ADARB2: variants seen among roughly 807,000 people sequenced by gnomAD.
ADARB2 encodes the protein adenosine deaminase RNA specific B2 (inactive), also known as inactive double-stranded RNA-specific editase B2.
In ADARB2, 25 loss-of-function variants were observed where a neutral mutation model predicts 62.2. The observed-to-expected ratio is 0.40, with a 90% confidence interval of 0.29 to 0.56. The LOEUF (loss-of-function observed/expected upper bound fraction) is 0.56. Ranked by LOEUF, ADARB2 falls within the 20% of genes least tolerant of loss-of-function variation. The pLI is 0.43. For synonymous variants in ADARB2, 572 were observed against 500.8 expected, an observed-to-expected ratio of 1.14 and a Z score of -1.90; for missense variants, 1,071 against 1,077.4, an observed-to-expected ratio of 0.99 and a Z score of 0.08.
Position 1,233,733 on chromosome 10 carries a change from C to A in ADARB2, c.1474G>T (p.Asp492Tyr), listed in dbSNP as rs1368006262. Residue 492 changes from aspartate (D) to tyrosine (Y), a missense_variant, in exon 6 of 10, where the codon GAC becomes TAC. Physicochemically the swap from Asp to Tyr is radical, Grantham distance 160. Transcript: ENST00000381312. ...HLYVSTSPCG[D>Y]ARLHSPYEIT... ...TCGTAGGGAGAGTGGAGTCTTGCGT[C>A]TCCACAGGGGGAGGTGCTCACGTAG... 6.2e-7 allele frequency: 1 copy of A among 1,613,740 alleles called. No homozygotes were observed. The highest frequency in any genetic ancestry group is 8.5e-7 in the Non-Finnish European group (1 of 1,179,884).
chr10:1,242,248 C>T lies in ADARB2; in HGVS notation c.1244G>A (p.Cys415Tyr), dbSNP rs1158097062. The T allele has an allele frequency of 6.3e-7, 1 of 1,590,084 alleles. No homozygotes were observed. ...QVVALSSGTK[C>Y]ISGEHLSDQG... Reference sequence around the variant, plus strand: ...GTCACTGAGGTGCTCGCCGCTGATGCACTTGGTCCCCGAGGACAGGGCCAC... The same window carrying T: ...GTCACTGAGGTGCTCGCCGCTGATGTACTTGGTCCCCGAGGACAGGGCCAC... The change falls in exon 5 of 10, where the codon TGC becomes TAC. Residue 415 changes from cysteine (C) to tyrosine (Y), a missense_variant. By Grantham distance (194) the Cys-to-Tyr change is radical. Coordinates refer to ENST00000381312, the MANE Select transcript of ADARB2 (RefSeq NM_018702.4).
intron 1 of ADARB2, among the ~76,000 whole-genome samples, chr10:1,631,029 G>A (rs1370072767): frequency 2.6e-5 from 4 of 152,178 alleles, no homozygotes; most frequent in Non-Finnish European, 5.9e-5. Context: ...AAAGAATTAT[G>A]AGGGAAATAC....
chr10:1,411,785 T>C (rs1397562932), intron 1 of ADARB2, among the ~76,000 whole-genome samples: 1 of 152,230 alleles, frequency 6.6e-6, no homozygotes, highest in Non-Finnish European at 1.5e-5. Context: ...CGCAAGTGCC[T>C]GACCTACAGC....
At chr10:1,207,348 T>G (rs1837082273) in intron 7 of ADARB2, among the ~76,000 whole-genome samples, 1 of 152,180 alleles carries the variant, frequency 6.6e-6, no homozygotes, top group Non-Finnish European at 1.5e-5. Flanking sequence ...TTCATCTCAA[T>G]CTGTACAATT....
intron 3 of ADARB2, among the ~76,000 whole-genome samples, chr10:1,289,651 G>T (rs974175778): frequency 3.3e-5 from 5 of 152,250 alleles, no homozygotes; most frequent in African/African-American, 1.2e-4. Flanking sequence ...CCTCTCACTG[G>T]CTCCGTGGCC....
chr10:1,329,655 C>T (rs11250421), intron 3 of ADARB2, among the ~76,000 whole-genome samples: 1,982 of 152,312 alleles, frequency 0.013, 52 homozygotes, highest in African/African-American at 0.045. Flanking sequence ...TCATTAATCC[C>T]TCCGCCTCCC....
chr10:1,286,932 G>GCAAA (rs1159012046), intron 3 of ADARB2, among the ~76,000 whole-genome samples: 6 of 152,170 alleles, frequency 3.9e-5, no homozygotes, highest in Non-Finnish European at 7.3e-5. Context: ...CCAACTGTGT[G>GCAAA]CAAACATAAC....
chr10:1,342,029 T>C (rs1404713946), intron 3 of ADARB2, among the ~76,000 whole-genome samples: 4 of 152,270 alleles, frequency 2.6e-5, no homozygotes, highest in African/African-American at 9.6e-5. Flanking sequence ...CTACATTTTC[T>C]TTCAGCCAGG....
chr10:1,272,520 C>A lies in ADARB2; in HGVS notation c.1078-1451G>T, dbSNP rs78655134. On this transcript the variant is annotated intron_variant, in intron 3 of 9. Coordinates refer to ENST00000381312, the MANE Select transcript of ADARB2 (RefSeq NM_018702.4). ...CAGTCAAGGGCAGAAGTGCAGGGCCCGGCGCAGTCTCCTCTGCTCACCCCG... is the reference window on the plus strand; with the variant it reads ...CAGTCAAGGGCAGAAGTGCAGGGCCAGGCGCAGTCTCCTCTGCTCACCCCG... 8.6e-4 allele frequency among the ~76,000 whole-genome samples: 131 copies of A among 152,342 alleles called. 1 individual carries two copies. The East Asian group carries it at 0.02, about 23-fold the overall frequency.
At chr10:1,256,624 C>T (rs188433053) in intron 4 of ADARB2, among the ~76,000 whole-genome samples, 34 of 152,172 alleles carry the variant, frequency 2.2e-4, no homozygotes, top group African/African-American at 6.5e-4. Context: ...TGGGGCCAGG[C>T]GAGCTTATGA....
At chr10:1,504,968 C>G (rs961283663) in intron 1 of ADARB2, among the ~76,000 whole-genome samples, 20 of 151,690 alleles carry the variant, frequency 1.3e-4, no homozygotes, top group Non-Finnish European at 2.5e-4. Context: ...ATGACACACA[C>G]AGACACACAT....
intron 2 of ADARB2, among the ~76,000 whole-genome samples, chr10:1,367,688 A>G (rs755164871): frequency 5.9e-5 from 9 of 152,186 alleles, no homozygotes; most frequent in Admixed American, 5.9e-4. Context: ...ACCAGATTGC[A>G]TAGAGATTTG....
At chr10:1,671,539 G>A (rs1181403676) in intron 1 of ADARB2, among the ~76,000 whole-genome samples, 2 of 152,178 alleles carry the variant, frequency 1.3e-5, no homozygotes, top group African/African-American at 2.4e-5. Flanking sequence ...AAGGAGGTGT[G>A]AGATAGAATC....
chr10:1,485,682 G>A lies in ADARB2; in HGVS notation c.101-106522C>T, dbSNP rs369875975. ...GTCACCTTGTCACAACACGTGCCCC[G>A]GTGGGATGGAATAATAACGCTCCGT... is the stretch of plus-strand genomic sequence containing the variant. On this transcript the variant is annotated intron_variant, in intron 1 of 9. Coordinates refer to ENST00000381312, the MANE Select transcript of ADARB2 (RefSeq NM_018702.4). Among the ~76,000 whole-genome samples the A allele has an allele frequency of 7.9e-5, 12 of 152,262 alleles. No homozygotes were observed. In the South Asian group the frequency reaches 1.7e-3, roughly 21 times the overall value.
chr10:1,620,984 T>G (rs567955583), intron 1 of ADARB2, among the ~76,000 whole-genome samples: 33 of 152,308 alleles, frequency 2.2e-4, no homozygotes, highest in Non-Finnish European at 4.3e-4. Flanking sequence ...CATATATGAA[T>G]CACTCATGCC....
chr10:1,642,812 A>T (rs1284405439), intron 1 of ADARB2, among the ~76,000 whole-genome samples: 1 of 152,014 alleles, frequency 6.6e-6, no homozygotes, highest in South Asian at 2.1e-4. Context: ...TCAGACACAC[A>T]TCCACACTCA....
chr10:1,309,770 G>A (rs1362721480), intron 3 of ADARB2, among the ~76,000 whole-genome samples: 1 of 152,184 alleles, frequency 6.6e-6, no homozygotes, highest in Non-Finnish European at 1.5e-5. Flanking sequence ...GGGGCTCTCT[G>A]GGGTGTGGCC....
intron 1 of ADARB2, among the ~76,000 whole-genome samples, chr10:1,584,354 TA>T (rs1833146679): frequency 1.9e-5 from 1 of 51,446 alleles, no homozygotes; most frequent in South Asian, 7.2e-4. Flanking sequence ...CCCCGTATCA[TA>T]TGTCACTAGA....
At chr10:1,623,707 T>G (rs1833734194) in intron 1 of ADARB2, among the ~76,000 whole-genome samples, 1 of 152,118 alleles carries the variant, frequency 6.6e-6, no homozygotes, top group African/African-American at 2.4e-5. Flanking sequence ...ATTGGAGACC[T>G]CCCTCCCGCC....
Sources: allele counts gnomAD v4.1 joint callset (sites outside exome capture counted in the v4.1 genomes callset), GRCh38; gene constraint gnomAD v4.1.1; transcripts MANE v1.5; gene names NCBI Gene and HGNC (gene_info 2026-07-23, HGNC 2026-07-21).